Variants in RRM2 observed in about 807,000 individuals in gnomAD.
The protein encoded by RRM2 is ribonucleotide reductase regulatory subunit M2.
Under a neutral mutation model 45.9 loss-of-function variants are expected in RRM2, and 6 were observed. The ratio of observed to expected loss-of-function variants is 0.13; its 90% CI spans 0.07 to 0.26. The LOEUF is 0.26. Among genes scored for constraint, RRM2 ranks in the 10% least tolerant of loss-of-function variants. The probability of loss-of-function intolerance (pLI) is 1.00; values close to 1 mark genes in which losing one functional copy is unlikely to be tolerated. For synonymous variants in RRM2, 177 were observed against 173.0 expected (o/e 1.02, Z -0.18); for missense variants, 343 against 489.5 (o/e 0.70, Z 2.82).
chr2:10,165,232 T>C (rs1280106527), intron 3 of RRM2, among the ~76,000 whole-genome samples: 1 of 152,228 alleles, frequency 6.6e-6, no homozygotes, highest in African/African-American at 2.4e-5. Context: ...ATTCCAGGCA[T>C]GAGCCACTGT....
chr2:10,188,888 A>T (rs1467813134), intron 3 of RRM2, among the ~76,000 whole-genome samples: 1 of 152,132 alleles, frequency 6.6e-6, no homozygotes, highest in African/African-American at 2.4e-5. Context: ...AGAAGTCATG[A>T]GTTCCCAGTC....
intron 3 of RRM2, among the ~76,000 whole-genome samples, chr2:10,188,897 T>C (rs1345150757): frequency 6.6e-6 from 1 of 152,042 alleles, no homozygotes; most frequent in Non-Finnish European, 1.5e-5. Flanking sequence ...GAGTTCCCAG[T>C]CCTGGCCGCA....
chr2:10,209,060 T>TCTTTCTTTCTTTCTTTCTTTCTTTC (rs1553330325), intron 3 of RRM2, among the ~76,000 whole-genome samples: 1 of 144,388 alleles, frequency 6.9e-6, no homozygotes, highest in Admixed American at 6.9e-5. Context: ...TTTCTTTCTT[T>TCTTTCTTTCTTTCTTTCTTTCTTTC]TTTTTTTTTT....
At chr2:10,207,107 GC>G (rs1435116009) in intron 3 of RRM2, among the ~76,000 whole-genome samples, 1 of 152,180 alleles carries the variant, frequency 6.6e-6, no homozygotes, top group Non-Finnish European at 1.5e-5. Context: ...TGCTCTCCCA[GC>G]CCAGCGCCTC....
chr2:10,196,458 C>G (rs1419190682), intron 3 of RRM2, among the ~76,000 whole-genome samples: 1 of 152,178 alleles, frequency 6.6e-6, no homozygotes, highest in Non-Finnish European at 1.5e-5. Flanking sequence ...GACCAGCAGC[C>G]GGCACTGCCT....
Position 10,128,000 on chromosome 2 carries a change from A to G in RRM2, c.798+780A>G, listed in dbSNP as rs1486654038. Reference sequence around the variant, plus strand: ...GCTAACACGGTGAAACCCCATCTCTACTAAAAATACAAAAAATTAGCCGGG... The same window carrying G: ...GCTAACACGGTGAAACCCCATCTCTGCTAAAAATACAAAAAATTAGCCGGG... On this transcript the variant is annotated intron_variant, in intron 7 of 9. Coordinates refer to ENST00000304567, the MANE Select transcript of RRM2 (RefSeq NM_001034.4). The surrounding 1 kb of genome is among the most constrained non-coding windows in gnomAD (Gnocchi z 4.1). 6.6e-6 allele frequency among the ~76,000 whole-genome samples: 1 copy of G among 151,798 alleles called. No individual in the cohort carries two copies. Among genetic ancestry groups the G allele is most frequent in the Non-Finnish European group, 1.5e-5 (1 of 67,944 alleles).
intron 3 of RRM2, among the ~76,000 whole-genome samples, chr2:10,170,473 G>A (rs1663777462): frequency 6.6e-6 from 1 of 152,136 alleles, no homozygotes; most frequent in African/African-American, 2.4e-5. Context: ...AGGGGGCAGG[G>A]GTGAATGGGC....
intron 3 of RRM2, among the ~76,000 whole-genome samples, chr2:10,181,568 T>C (rs1260475903): frequency 6.6e-6 from 1 of 152,164 alleles, no homozygotes; most frequent in African/African-American, 2.4e-5. Flanking sequence ...CTTGAACTCC[T>C]GGGCTCAGGC....
chr2:10,142,602 C>T (rs887469472), intron 3 of RRM2, among the ~76,000 whole-genome samples: 3 of 151,884 alleles, frequency 2.0e-5, no homozygotes, highest in Admixed American at 6.6e-5. Flanking sequence ...CACGGTCCTG[C>T]GATCCCCCTC....
At chr2:10,209,057 CTT>C (rs1553330335) in intron 3 of RRM2, among the ~76,000 whole-genome samples, 3 of 102,498 alleles carry the variant, frequency 2.9e-5, no homozygotes, top group Non-Finnish European at 2.2e-5. Context: ...TTCTTTCTTT[CTT>C]TTTTTTTTTT....
intron 3 of RRM2, among the ~76,000 whole-genome samples, chr2:10,167,503 C>A (rs989990775): frequency 6.6e-6 from 1 of 152,204 alleles, no homozygotes; most frequent in Non-Finnish European, 1.5e-5. Context: ...TGTCAGGGCT[C>A]TGCACGCTGC....
At chr2:10,176,986 C>T (rs890378950) in intron 3 of RRM2, among the ~76,000 whole-genome samples, 4 of 152,236 alleles carry the variant, frequency 2.6e-5, no homozygotes, top group East Asian at 1.9e-4. Flanking sequence ...TGGCTCATGC[C>T]GGTAATCCCA....
chr2:10,122,768 G>A lies in RRM2; in HGVS notation c.-31G>A. 1 of 1,564,628 alleles carries A rather than the reference G, an allele frequency of 6.4e-7. No individual in the cohort carries two copies. Among genetic ancestry groups the A allele is most frequent in the African/African-American group, 1.4e-5 (1 of 74,018 alleles). ...ACCCTGTCCCAGCCGTCCTGTCCTG[G>A]CTGCTCGCTCTGCTTCGCTGCGCCT... On this transcript the variant is annotated 5_prime_UTR_variant, in exon 1 of 10. Coordinates refer to ENST00000304567, the MANE Select transcript of RRM2 (RefSeq NM_001034.4).
intron 3 of RRM2, among the ~76,000 whole-genome samples, chr2:10,162,163 C>T (rs1185136403): frequency 6.6e-6 from 1 of 152,076 alleles, no homozygotes. Flanking sequence ...AGAGAGGTGC[C>T]AAGAGTGCAC....
At chr2:10,189,655 T>A (rs1187892405) in intron 3 of RRM2, among the ~76,000 whole-genome samples, 2 of 152,224 alleles carry the variant, frequency 1.3e-5, no homozygotes, top group African/African-American at 4.8e-5. Flanking sequence ...AGTGTGAAAC[T>A]GGGCAGGGGA....
chr2:10,170,163 A>G (rs1284679496), intron 3 of RRM2, among the ~76,000 whole-genome samples: 2 of 152,028 alleles, frequency 1.3e-5, no homozygotes, highest in Non-Finnish European at 1.5e-5. Context: ...ACCTGCCAGA[A>G]CCCCTTGAGC....
chr2:10,198,200 A>C (rs1303711989), intron 3 of RRM2, among the ~76,000 whole-genome samples: 3 of 152,184 alleles, frequency 2.0e-5, no homozygotes, highest in Non-Finnish European at 4.4e-5. Flanking sequence ...TCAGCAGGAC[A>C]ATCATCAGAG....
chr2:10,176,407 T>C (rs1663915372), intron 3 of RRM2, among the ~76,000 whole-genome samples: 1 of 152,224 alleles, frequency 6.6e-6, no homozygotes, highest in South Asian at 2.1e-4. Context: ...TCGCTGGGAT[T>C]ACAGACATAC....
At chr2:10,197,460 C>T (rs1337085033) in intron 3 of RRM2, among the ~76,000 whole-genome samples, 1 of 152,198 alleles carries the variant, frequency 6.6e-6, no homozygotes, top group Admixed American at 6.5e-5. Flanking sequence ...TGCCCTGCCC[C>T]AGGCAGCACT....
Sources: gnomAD v4.1 joint callset for allele counts (sites outside exome capture counted in the v4.1 genomes callset) on GRCh38, gnomAD v4.1.1 for gene constraint, Gnocchi (gnomAD v3.1) non-coding constraint, MANE v1.5 for transcripts, NCBI Gene and HGNC (gene_info 2026-07-23, HGNC 2026-07-21) for gene names.